Variants in KCNN2 observed in about 807,000 individuals in gnomAD.
The protein encoded by KCNN2 is small conductance calcium-activated potassium channel protein 2.
In KCNN2, 24 loss-of-function variants were observed where a neutral mutation model predicts 55.5. That is an observed-to-expected ratio of 0.43 (90% CI 0.31 to 0.61). KCNN2 has a LOEUF of 0.61. Among genes scored for constraint, KCNN2 ranks in the 20% least tolerant of loss-of-function variants. KCNN2 has a pLI of 0.08. For missense variants in KCNN2, 754 were observed against 853.6 expected, an observed-to-expected ratio of 0.88 and a Z score of 1.45; for synonymous variants, 431 against 336.1, an observed-to-expected ratio of 1.28 and a Z score of -3.09.
intron 3 of KCNN2, among the ~76,000 whole-genome samples, chr5:114,452,482 T>C (rs1760736368): frequency 6.6e-6 from 1 of 152,212 alleles, no homozygotes; most frequent in Non-Finnish European, 1.5e-5. Context: ...ATGCTTACTA[T>C]TTTTACTCAT....
chr5:114,464,822 G>A (rs111327916), intron 4 of KCNN2, among the ~76,000 whole-genome samples: 41,129 of 96,632 alleles, frequency 0.43, 6,087 homozygotes, highest in East Asian at 0.67. Flanking sequence ...AAAAAAAAAC[G>A]GTATGCTGCA....
chr5:114,093,035 A>G (rs1459375836), intron 1 of KCNN2, among the ~76,000 whole-genome samples: 1 of 152,134 alleles, frequency 6.6e-6, no homozygotes, highest in Admixed American at 6.5e-5. Context: ...TCCCTAGAAA[A>G]TGGGTTTTTC....
chr5:114,120,958 A>G (rs1178106232), intron 1 of KCNN2, among the ~76,000 whole-genome samples: 1 of 152,140 alleles, frequency 6.6e-6, no homozygotes, highest in Non-Finnish European at 1.5e-5. Flanking sequence ...ACCTGGGCAA[A>G]TGGGGCCTCT....
chr5:114,416,829 C>T (rs1334463186), intron 3 of KCNN2, among the ~76,000 whole-genome samples: 2 of 152,120 alleles, frequency 1.3e-5, no homozygotes, highest in East Asian at 3.9e-4. Flanking sequence ...ATGTAGGAAT[C>T]ATGGTTTGTA....
intron 5 of KCNN2, 125 bp downstream of exon 5, chr5:114,473,289 G>A (rs1043648833): frequency 1.5e-6 from 1 of 675,320 alleles, no homozygotes; most frequent in Non-Finnish European, 2.6e-6. Flanking sequence ...GGCATTCTTG[G>A]AATCACTTCC....
intron 2 of KCNN2, among the ~76,000 whole-genome samples, chr5:114,373,823 A>C (rs558754315): frequency 2.0e-5 from 3 of 147,230 alleles, no homozygotes. Context: ...TATGAAACTT[A>C]TGAGAGAGAA....
chr5:114,335,166 G>C (rs764369641), intron 2 of KCNN2, among the ~76,000 whole-genome samples: 1 of 152,010 alleles, frequency 6.6e-6, no homozygotes, highest in Non-Finnish European at 1.5e-5. Flanking sequence ...CTCGTGATCC[G>C]CCAGTCTCAG....
At chr5:114,068,323 C>T (rs1321960129) in intron 1 of KCNN2, among the ~76,000 whole-genome samples, 4 of 152,186 alleles carry the variant, frequency 2.6e-5, no homozygotes, top group Non-Finnish European at 4.4e-5. Flanking sequence ...AGAAATTCAA[C>T]TTTGAGCTTC....
intron 1 of KCNN2, among the ~76,000 whole-genome samples, chr5:114,162,979 G>C (rs1207199392): frequency 6.6e-6 from 1 of 152,116 alleles, no homozygotes; most frequent in Non-Finnish European, 1.5e-5. Context: ...CCCTGCTTCG[G>C]CTCATGCACG....
chr5:114,214,765 C>A (rs1753967841), intron 1 of KCNN2, among the ~76,000 whole-genome samples: 4 of 152,096 alleles, frequency 2.6e-5, no homozygotes, highest in Admixed American at 2.6e-4. Flanking sequence ...GAAACTACAA[C>A]CTGAGTGCCT....
intron 2 of KCNN2, among the ~76,000 whole-genome samples, chr5:114,314,655 T>C (rs1285634603): frequency 6.6e-6 from 1 of 152,094 alleles, no homozygotes; most frequent in African/African-American, 2.4e-5. Flanking sequence ...GATTTTCTTT[T>C]CAGAAAGAAT....
At chr5:114,298,769 A>T (rs1174938447) in intron 2 of KCNN2, among the ~76,000 whole-genome samples, 1 of 152,206 alleles carries the variant, frequency 6.6e-6, no homozygotes, top group East Asian at 1.9e-4. Flanking sequence ...ACTATTTTAT[A>T]AACAAAAATG....
At chr5:114,446,738 G>A (rs1760424242) in intron 3 of KCNN2, among the ~76,000 whole-genome samples, 1 of 152,152 alleles carries the variant, frequency 6.6e-6, no homozygotes, top group Non-Finnish European at 1.5e-5. Flanking sequence ...TGAGATTACA[G>A]GCATGAGTCA....
At chr5:114,056,373 A>T in exon 1 of KCNN2, 1 of 398,540 alleles carries the variant, frequency 2.5e-6, no homozygotes, top group Non-Finnish European at 4.4e-6. Context: ...CTCCCGGTGA[A>T]CCTGCCGGAA....
rs10658266 is a variant in KCNN2 at position 114,232,925 on chromosome 5, G to GTTTTTTTTTTT, written c.-185+11363_-185+11373dup. ...GAGGTAATTTTTTATATTGTTTCTT[G>GTTTTTTTTTTT]TTTTTTTTTTTTTGAGACGGAGTCT... On this transcript the variant is annotated intron_variant, in intron 2 of 10. Transcript: ENST00000512097. Among the ~76,000 whole-genome samples, 340 of 76,246 alleles carry GTTTTTTTTTTT rather than the reference G, an allele frequency of 4.5e-3. 67 individuals are homozygous for GTTTTTTTTTTT. Among genetic ancestry groups the GTTTTTTTTTTT allele is most frequent in the Non-Finnish European group, 5.6e-3 (227 of 40,804 alleles). 50.0% of individuals were successfully genotyped at this position (76,246 alleles called of 152,430 possible).
intron 2 of KCNN2, among the ~76,000 whole-genome samples, chr5:114,314,583 C>A (rs1401227035): frequency 6.6e-6 from 1 of 152,016 alleles, no homozygotes; most frequent in Non-Finnish European, 1.5e-5. Context: ...TACTTTCTGG[C>A]TGAGAAGCAT....
At chr5:114,157,651 A>T (rs1243081705) in intron 1 of KCNN2, among the ~76,000 whole-genome samples, 2 of 152,108 alleles carry the variant, frequency 1.3e-5, no homozygotes, top group African/African-American at 4.8e-5. Context: ...GTTTCTCCAC[A>T]TCCTCTCCAG....
intron 1 of KCNN2, among the ~76,000 whole-genome samples, chr5:114,124,392 C>T (rs931706860): frequency 1.3e-5 from 2 of 151,996 alleles, no homozygotes; most frequent in African/African-American, 2.4e-5. Flanking sequence ...TCACTGTGGG[C>T]GGTGAGGTAA....
intron 2 of KCNN2, among the ~76,000 whole-genome samples, chr5:114,285,595 T>C (rs550946216): frequency 1.1e-4 from 16 of 152,274 alleles, no homozygotes; most frequent in African/African-American, 3.9e-4. Context: ...AAGGTGGTAT[T>C]TGTAGAGCTT....
Sources: allele counts gnomAD v4.1 joint callset (sites outside exome capture counted in the v4.1 genomes callset), GRCh38; gene constraint gnomAD v4.1.1; transcripts MANE v1.5; gene names NCBI Gene and HGNC (gene_info 2026-07-23, HGNC 2026-07-21).